The following IL12RB2 variants were observed in gnomAD, a reference collection of about 807,000 sequenced individuals.
The protein encoded by IL12RB2 is interleukin-12 receptor subunit beta-2.
A neutral mutation model predicts 89.4 loss-of-function variants in IL12RB2; 82 were observed. That is an observed-to-expected ratio of 0.92 (90% CI 0.77 to 1.10). The LOEUF is 1.10. IL12RB2 is among the 50% of genes least tolerant of loss of function. The pLI is 0.00. For missense variants in IL12RB2, 963 were observed against 1,031.9 expected, an observed-to-expected ratio of 0.93 and a Z score of 0.92; for synonymous variants, 368 against 370.1, an observed-to-expected ratio of 0.99 and a Z score of 0.07.
chr1:67,330,738 T>A lies in IL12RB2; in HGVS notation c.886T>A (p.Ser296Thr). The change falls in exon 8 of 17, where the codon TCT becomes ACT. Residue 296 changes from serine to threonine, a missense_variant. Transcript: ENST00000674203. The stretch of plus-strand genomic sequence containing the variant: ...TACAGAATATGAATTTCAGATTTCC[T>A]CTAAGCTACATCTTTATAAGGGAAG... ...PFTEYEFQIS[S>T]KLHLYKGSWS... The A allele has an allele frequency of 6.5e-7, 1 of 1,533,902 alleles. No homozygotes were observed. The highest frequency in any genetic ancestry group is 9.0e-7 in the Non-Finnish European group (1 of 1,106,978).
Position 67,386,870 on chromosome 1 carries a change from TTTTATATATATATATATATA to T in IL12RB2, c.1946+203_1946+222del, listed in dbSNP as rs1370702597. ...CTAACAATCTCTAACTAGAAATGTA[TTTTATATATATATATATATA>T]TATATATATATATATATATATATAT... On this transcript the variant is annotated intron_variant, in intron 15 of 16. Transcript: ENST00000674203. 7.7e-5 allele frequency among the ~76,000 whole-genome samples: 9 copies of T among 116,426 alleles called. 1 individual carries two copies. Among genetic ancestry groups the T allele is most frequent in the African/African-American group, 2.8e-4 (7 of 24,958 alleles). 76.4% of individuals were successfully genotyped at this position (116,426 alleles called of 152,430 possible). A position where few individuals can be genotyped will look rare whatever the true frequency, so the allele number is the denominator to read the frequency against.
chr1:67,386,269 GC>G (rs1374926322), intron 14 of IL12RB2, among the ~76,000 whole-genome samples: 1 of 148,884 alleles, frequency 6.7e-6, no homozygotes, highest in Non-Finnish European at 1.5e-5. Flanking sequence ...TTACACATCT[GC>G]TAGCGGCACA....
intron 10 of IL12RB2, among the ~76,000 whole-genome samples, chr1:67,362,988 C>T (rs1451111758): frequency 6.6e-6 from 1 of 151,760 alleles, no homozygotes; most frequent in African/African-American, 2.4e-5. Context: ...CTGCAACTTC[C>T]AACTCCCTGG....
rs1656186006 is a variant in IL12RB2 at position 67,319,262 on chromosome 1, A to T, written c.-36-1071A>T. Among the ~76,000 whole-genome samples the T allele has an allele frequency of 9.2e-5, 14 of 152,298 alleles. No individual in the cohort carries two copies. In the South Asian group the frequency reaches 2.9e-3, roughly 32 times the overall value. ...CAGAACTTCCCAGCCTACTTTATGA[A>T]TTTTTGGCCTATCTTTAATAGAATT... On this transcript the variant is annotated intron_variant, in intron 2 of 16. Transcript: ENST00000674203.
chr1:67,368,751 T>A (rs1409793722), intron 11 of IL12RB2, among the ~76,000 whole-genome samples: 1 of 152,230 alleles, frequency 6.6e-6, no homozygotes, highest in Non-Finnish European at 1.5e-5. Flanking sequence ...GTCTGTGTGA[T>A]CTAGGGCAAG....
intron 16 of IL12RB2, among the ~76,000 whole-genome samples, chr1:67,392,649 T>G (rs1665951488): frequency 9.7e-6 from 1 of 102,618 alleles, no homozygotes; most frequent in African/African-American, 3.1e-5. Context: ...TTTTTTTTTT[T>G]GAGACGGAGT....
At chr1:67,378,713 G>A (rs1276236505) in intron 13 of IL12RB2, among the ~76,000 whole-genome samples, 1 of 151,832 alleles carries the variant, frequency 6.6e-6, no homozygotes, top group Admixed American at 6.6e-5. Flanking sequence ...AGCCAAGCAT[G>A]GTGGCGTGTG....
intron 10 of IL12RB2, among the ~76,000 whole-genome samples, chr1:67,357,384 A>T (rs1419848157): frequency 6.6e-6 from 1 of 152,106 alleles, no homozygotes; most frequent in Non-Finnish European, 1.5e-5. Flanking sequence ...TCTCAAAAAG[A>T]AAAGAAAAGA....
intron 13 of IL12RB2, among the ~76,000 whole-genome samples, chr1:67,376,428 T>C (rs111777890): frequency 6.6e-6 from 1 of 152,194 alleles, no homozygotes; most frequent in Non-Finnish European, 1.5e-5. Context: ...TATCTACAGC[T>C]TTTCCAACGA....
chr1:67,318,074 T>C (rs1216084137), intron 2 of IL12RB2, among the ~76,000 whole-genome samples: 1 of 152,128 alleles, frequency 6.6e-6, no homozygotes, highest in Non-Finnish European at 1.5e-5. Context: ...GGTGTAAATA[T>C]GTCAGCCACA....
At chr1:67,348,690 C>T (rs1041493027) in intron 9 of IL12RB2, among the ~76,000 whole-genome samples, 1 of 151,416 alleles carries the variant, frequency 6.6e-6, no homozygotes, top group Admixed American at 6.6e-5. Context: ...AAACCCTGAA[C>T]TGATTATACT....
rs1252428495 is a variant in IL12RB2, at chr1:67,312,024, G to GA, written c.-124-1883dup. ...AGACTTCCAGATTGAGGATGTCAAA[G>GA]AAAAAACCTTTCCAATACACTAAGG... On this transcript the variant is annotated intron_variant, in intron 1 of 16. Coordinates refer to ENST00000674203, the MANE Select transcript of IL12RB2 (RefSeq NM_001374259.2). 4.4e-4 allele frequency among the ~76,000 whole-genome samples: 67 copies of GA among 152,028 alleles called. 2 individuals carry two copies. The highest frequency in any genetic ancestry group is 1.9e-4 in the East Asian group (1 of 5,190).
intron 16 of IL12RB2, among the ~76,000 whole-genome samples, chr1:67,393,886 TC>T (rs946589934): frequency 1.4e-4 from 15 of 109,942 alleles, no homozygotes; most frequent in Non-Finnish European, 2.6e-4. Flanking sequence ...GTCATCCTAC[TC>T]CTCCTGTAAG....
At chr1:67,389,146 C>T (rs1665536738) in intron 15 of IL12RB2, among the ~76,000 whole-genome samples, 1 of 152,098 alleles carries the variant, frequency 6.6e-6, no homozygotes, top group South Asian at 2.1e-4. Flanking sequence ...TGGTGGGCAG[C>T]TGTGCTCCAT....
At chr1:67,386,962 CTT>C (rs1032993798) in intron 15 of IL12RB2, among the ~76,000 whole-genome samples, 2 of 132,170 alleles carry the variant, frequency 1.5e-5, no homozygotes, top group African/African-American at 5.5e-5. Flanking sequence ...GAGTTTCACT[CTT>C]GTCGCCCAGG....
In IL12RB2 at chr1:67,398,683, A is replaced by C. The variant is rs1311970894; in HGVS notation, c.*2594A>C. ...CCAGCACCAGCATCATGCCTGGTCC[A>C]TAGTAGCTACCAATAAAAAAGTAAG... On this transcript the variant is annotated 3_prime_UTR_variant, in exon 17 of 17. Transcript: ENST00000674203. Among the ~76,000 whole-genome samples, 2 of 152,132 alleles carry C rather than the reference A, an allele frequency of 1.3e-5. No individual in the cohort carries two copies. Among genetic ancestry groups the C allele is most frequent in the African/African-American group, 4.8e-5 (2 of 41,426 alleles).
At position 67,317,749 on chromosome 1, in the gene IL12RB2, G is replaced by A. The variant is rs1274095906; in HGVS notation, c.-36-2584G>A. On this transcript the variant is annotated intron_variant, in intron 2 of 16. Coordinates refer to ENST00000674203, the MANE Select transcript of IL12RB2 (RefSeq NM_001374259.2). ...AAGATCATATTCCTTTCCCTCCTTC[G>A]CATCTTTCTTTCAATAGACATTTGT... Among the ~76,000 whole-genome samples the A allele has an allele frequency of 4.6e-5, 7 of 152,102 alleles. No homozygotes were observed. In the South Asian group the frequency reaches 6.2e-4, roughly 14 times the overall value.
chr1:67,329,466 T>A, intron 6 of IL12RB2, 121 bp from the exon 7 acceptor site: 1 of 748,230 alleles, frequency 1.3e-6, no homozygotes, highest in Non-Finnish European at 2.5e-6. Flanking sequence ...TTTTACCAAA[T>A]TTGATGGTTG....
In IL12RB2 at chr1:67,320,376, A is replaced by G; in HGVS notation, c.8A>G (p.His3Arg). The G allele has an allele frequency of 6.2e-7, 1 of 1,613,992 alleles. No individual in the cohort carries two copies. Reference sequence around the variant, plus strand: ...TACCAGAGTTGATTGTTGATGGCACATACTTTTAGAGGATGCTCATTGGCA... The same window carrying G: ...TACCAGAGTTGATTGTTGATGGCACGTACTTTTAGAGGATGCTCATTGGCA... MA[H>R]TFRGCSLAFM... Residue 3 changes from histidine (H) to arginine (R), a missense_variant, in exon 3 of 17, where the codon CAT (histidine) becomes CGT (arginine). His to Arg is a conservative substitution (Grantham distance 29, BLOSUM62 0). Transcript: ENST00000674203.
Sources: gnomAD v4.1 joint callset for allele counts (sites outside exome capture counted in the v4.1 genomes callset) on GRCh38, gnomAD v4.1.1 for gene constraint, MANE v1.5 for transcripts, NCBI Gene and HGNC (gene_info 2026-07-23, HGNC 2026-07-21) for gene names.